The following SGCD variants were observed in gnomAD, a reference collection of about 807,000 sequenced individuals.
The protein encoded by SGCD is sarcoglycan delta, also known as delta-sarcoglycan.
A neutral mutation model predicts 36.6 loss-of-function variants in SGCD; 18 were observed. The observed-to-expected ratio is 0.49, with a 90% CI of 0.34 to 0.73. The LOEUF (loss-of-function observed/expected upper bound fraction) is 0.73, where lower values mean the gene tolerates loss of function less well. SGCD is among the 30% of genes least tolerant of loss of function. The probability of loss-of-function intolerance (pLI) is 0.01; values close to 1 mark genes in which losing one functional copy is unlikely to be tolerated. For missense variants in SGCD, 387 were observed against 346.7 expected, an observed-to-expected ratio of 1.12 and a Z score of -0.92; for synonymous variants, 133 against 130.6, an observed-to-expected ratio of 1.02 and a Z score of -0.12.
intron 1 of SGCD, among the ~76,000 whole-genome samples, chr5:155,955,567 C>A (rs1374547394): frequency 1.3e-5 from 2 of 152,062 alleles, no homozygotes; most frequent in African/African-American, 2.4e-5. Flanking sequence ...AAAATAATTA[C>A]CTAACATATT....
intron 3 of SGCD, among the ~76,000 whole-genome samples, chr5:156,503,532 C>T (rs1756549255): frequency 6.6e-6 from 1 of 152,138 alleles, no homozygotes; most frequent in Non-Finnish European, 1.5e-5. Flanking sequence ...CAGCAGGAAC[C>T]ATAAGGGCAT....
chr5:155,851,518 ATGG>A, the SGCD span, among the ~76,000 whole-genome samples: 1 of 152,200 alleles, frequency 6.6e-6, no homozygotes, highest in East Asian at 1.9e-4. Flanking sequence ...GTGGAGGAAT[ATGG>A]TGTTTGTGAT....
intron 3 of SGCD, among the ~76,000 whole-genome samples, chr5:156,415,820 A>T (rs1051532314): frequency 6.6e-6 from 1 of 152,190 alleles, no homozygotes; most frequent in Non-Finnish European, 1.5e-5. Flanking sequence ...ATAGGGGTTA[A>T]ATAGGGCAAA....
intron 7 of SGCD, among the ~76,000 whole-genome samples, chr5:156,750,491 A>G (rs922358039): frequency 6.6e-6 from 1 of 152,118 alleles, no homozygotes; most frequent in African/African-American, 2.4e-5. Flanking sequence ...CAGGCTGGCC[A>G]ACATGGTGAA....
Position 156,297,466 on chromosome 5 carries a change from T to G in SGCD, c.-43-32068T>G, listed in dbSNP as rs796938717. ...TGGAATACTATGCAGCCATAAAAAA[T>G]GATGAGTTCATGTCCTTTGTAGGGA... On this transcript the variant is annotated intron_variant, in intron 3 of 9. Coordinates refer to the SGCD transcript ENST00000517913. Among the ~76,000 whole-genome samples the G allele has an allele frequency of 9.9e-4, 150 of 151,898 alleles. 2 individuals are homozygous for G. The highest frequency in any genetic ancestry group is 3.4e-3 in the African/African-American group (142 of 41,422).
chr5:156,584,870 T>C (rs1348559187), intron 4 of SGCD, among the ~76,000 whole-genome samples: 1 of 152,216 alleles, frequency 6.6e-6, no homozygotes, highest in East Asian at 1.9e-4. Flanking sequence ...ATTATTTCTT[T>C]TGTTGACAAC....
intron 3 of SGCD, among the ~76,000 whole-genome samples, chr5:156,152,290 C>A (rs1399647587): frequency 6.6e-6 from 1 of 151,460 alleles, no homozygotes; most frequent in Non-Finnish European, 1.5e-5. Context: ...ATAGTCCTGA[C>A]TATTTTAAAT....
intron 1 of SGCD, among the ~76,000 whole-genome samples, chr5:155,916,428 C>A (rs1756742863): frequency 6.6e-6 from 1 of 152,032 alleles, no homozygotes; most frequent in Non-Finnish European, 1.5e-5. Context: ...GGTCTCTAAT[C>A]TTGACTTTTC....
At chr5:156,594,406 C>G (rs78614691) in intron 5 of SGCD, among the ~76,000 whole-genome samples, 1,832 of 152,190 alleles carry the variant, frequency 0.012, 35 homozygotes, top group East Asian at 0.048. Context: ...GTAACCATTT[C>G]TGCTATGAAA....
chr5:156,698,840 TACACACACACACACACACACACAC>T (rs150929203), intron 7 of SGCD, among the ~76,000 whole-genome samples: 1 of 139,988 alleles, frequency 7.1e-6, no homozygotes, highest in Non-Finnish European at 1.6e-5. Context: ...TAAATTAAAA[TACACACACACACACACACACACAC>T]ACACACACAC....
intron 3 of SGCD, chr5:156,458,571 A>G: frequency 1.0e-6 from 1 of 998,286 alleles, no homozygotes; most frequent in Non-Finnish European, 1.6e-6. Context: ...GTCAAAATTC[A>G]GCACCTTGAT....
chr5:156,323,798 C>T (rs1767735379), upstream of SGCD, among the ~76,000 whole-genome samples: 1 of 152,088 alleles, frequency 6.6e-6, no homozygotes, highest in South Asian at 2.1e-4. Flanking sequence ...ACAGCCATTG[C>T]AGAGGGGATT....
At chr5:155,819,423 T>C in the SGCD span, among the ~76,000 whole-genome samples, 1 of 152,124 alleles carries the variant, frequency 6.6e-6, no homozygotes, top group African/African-American at 2.4e-5. Flanking sequence ...GGAGTAGAAA[T>C]GTGTCATGTG....
the SGCD span, among the ~76,000 whole-genome samples, chr5:155,835,002 A>ATTTTTTTTTTTTT: frequency 2.3e-4 from 14 of 60,182 alleles, 5 homozygotes; most frequent in Non-Finnish European, 4.0e-4. Flanking sequence ...TGCCCAGCTA[A>ATTTTTTTTTTTTT]TTTTTTTTTT....
the SGCD span, chr5:155,845,459 A>T: frequency 6.6e-6 from 1 of 152,380 alleles, no homozygotes; most frequent in South Asian, 2.1e-4. Flanking sequence ...ACCACCCTGA[A>T]CGCGCCTGAT....
chr5:156,317,790 G>T (rs1767557290), intron 3 of SGCD, among the ~76,000 whole-genome samples: 1 of 152,082 alleles, frequency 6.6e-6, no homozygotes, highest in South Asian at 2.1e-4. Flanking sequence ...TGTAATAATA[G>T]AATATTAAAG....
chr5:156,561,454 A>G (rs978594951), intron 4 of SGCD, among the ~76,000 whole-genome samples: 8 of 152,250 alleles, frequency 5.3e-5, no homozygotes, highest in Admixed American at 2.0e-4. Flanking sequence ...GCTGAAATGT[A>G]TGCAACTTTG....
intron 7 of SGCD, among the ~76,000 whole-genome samples, chr5:156,735,881 G>A (rs1349994894): frequency 6.6e-6 from 1 of 152,200 alleles, no homozygotes; most frequent in Non-Finnish European, 1.5e-5. Context: ...GTGTGCCTGA[G>A]AAGCTGCTGT....
At chr5:156,671,837 C>T (rs1753307915) in intron 7 of SGCD, among the ~76,000 whole-genome samples, 2 of 152,128 alleles carry the variant, frequency 1.3e-5, no homozygotes, top group Admixed American at 1.3e-4. Context: ...TGTGAAGCCT[C>T]AGGAAGCTTT....
Sources: gnomAD v4.1 joint callset for allele counts (sites outside exome capture counted in the v4.1 genomes callset) on GRCh38, gnomAD v4.1.1 for gene constraint, MANE v1.5 for transcripts, NCBI Gene and HGNC (gene_info 2026-07-23, HGNC 2026-07-21) for gene names.